DLG1: variants seen among roughly 807,000 people sequenced by gnomAD.
The protein encoded by DLG1 is disks large homolog 1.
In DLG1, 42 loss-of-function variants were observed where a neutral mutation model predicts 123.4. The observed-to-expected ratio is 0.34, with a 90% CI of 0.27 to 0.44. The LOEUF is 0.44. DLG1 is among the 20% of genes least tolerant of loss of function. DLG1 has a pLI of 1.00. For missense variants in DLG1, 942 were observed against 1,082.6 expected, an observed-to-expected ratio of 0.87 and a Z score of 1.82; for synonymous variants, 317 against 356.2, an observed-to-expected ratio of 0.89 and a Z score of 1.24.
Position 197,065,744 on chromosome 3 carries a change from A to C in DLG1, c.2164T>G (p.Ser722Ala). 1 of 1,612,508 alleles carries C rather than the reference A, an allele frequency of 6.2e-7. No homozygotes were observed. The highest frequency in any genetic ancestry group is 1.1e-5 in the South Asian group (1 of 90,818). Residue 722 changes from serine (S) to alanine (A), a missense_variant, in exon 21 of 25, where the codon TCA (serine) becomes GCA (alanine). Transcript: ENST00000667157. The part of the protein sequence containing the change: ...MKDRINDDLI[S>A]EFPDKFGSCV... The stretch of plus-strand genomic sequence containing the variant: ...GATCCAAATTTGTCAGGAAATTCTG[A>C]GATCAAGTCATCATTTATCCTGTCT...
In DLG1 at chr3:197,128,255, G is replaced by A. The variant is rs984416275; in HGVS notation, c.1165+2272C>T. Among the ~76,000 whole-genome samples, 9 of 152,212 alleles carry A rather than the reference G, an allele frequency of 5.9e-5. No homozygotes were observed. The East Asian group carries it at 9.6e-4, about 16-fold the overall frequency. ...TCCCAAAATCCTTTGTTGCCGTTTC[G>A]ATAATGTTCACATCATCTTCACCTA... is the stretch of plus-strand genomic sequence containing the variant. On this transcript the variant is annotated intron_variant, in intron 11 of 24. Transcript: ENST00000667157.
intron 16 of DLG1, among the ~76,000 whole-genome samples, chr3:197,084,969 TAGAGACA>T (rs1338923347): frequency 1.3e-5 from 2 of 151,484 alleles, no homozygotes; most frequent in African/African-American, 4.8e-5. Context: ...GTATTTTTAG[TAGAGACA>T]GGCTTTCACC....
chr3:197,100,356 T>C (rs1316139352), intron 14 of DLG1, among the ~76,000 whole-genome samples: 1 of 152,198 alleles, frequency 6.6e-6, no homozygotes. Context: ...TAAGTGACTA[T>C]GGCCTAACCT....
intron 5 of DLG1, among the ~76,000 whole-genome samples, chr3:197,189,457 TACAC>T (rs1238102534): frequency 2.6e-5 from 4 of 152,146 alleles, no homozygotes; most frequent in Non-Finnish European, 5.9e-5. Context: ...TGATAGAGAA[TACAC>T]ACAATTTTTT....
At chr3:197,215,833 A>G (rs893311335) in intron 4 of DLG1, among the ~76,000 whole-genome samples, 2 of 152,206 alleles carry the variant, frequency 1.3e-5, no homozygotes, top group African/African-American at 4.8e-5. Context: ...GAATCTGAGG[A>G]GAGCAAACAG....
intron 14 of DLG1, among the ~76,000 whole-genome samples, chr3:197,095,379 A>G (rs550072543): frequency 1.3e-5 from 2 of 151,390 alleles, no homozygotes; most frequent in East Asian, 3.9e-4. Context: ...TTTAGTTGTC[A>G]CGTCTTTTTA....
At chr3:197,248,639 C>T (rs1378331378) in intron 4 of DLG1, among the ~76,000 whole-genome samples, 2 of 152,184 alleles carry the variant, frequency 1.3e-5, no homozygotes, top group Non-Finnish European at 2.9e-5. Flanking sequence ...GTTTCTGTGT[C>T]CTCCCCTTGT....
intron 6 of DLG1, among the ~76,000 whole-genome samples, chr3:197,147,790 C>T (rs1791675564): frequency 6.6e-6 from 1 of 151,000 alleles, no homozygotes; most frequent in South Asian, 2.1e-4. Context: ...AACCAAACAA[C>T]ACCCGCTCCC....
intron 13 of DLG1, among the ~76,000 whole-genome samples, chr3:197,112,507 T>G (rs1450583964): frequency 1.3e-5 from 2 of 152,254 alleles, no homozygotes; most frequent in African/African-American, 4.8e-5. Context: ...AGGAGATATT[T>G]ATATATTGTG....
At chr3:197,161,722 A>C in intron 5 of DLG1, 1 of 1,573,250 alleles carries the variant, frequency 6.4e-7, no homozygotes, top group Admixed American at 1.9e-5. Flanking sequence ...AGGAGAGGGA[A>C]GAACAGCTTC....
intron 5 of DLG1, among the ~76,000 whole-genome samples, chr3:197,151,805 G>T (rs115561755): frequency 4.9e-4 from 74 of 150,584 alleles, no homozygotes; most frequent in African/African-American, 1.7e-3. Flanking sequence ...CACTGTGGGA[G>T]GCCAAGGCTG....
At chr3:197,231,606 T>TGG (rs1322216933) in intron 4 of DLG1, among the ~76,000 whole-genome samples, 1 of 150,000 alleles carries the variant, frequency 6.7e-6, no homozygotes, top group African/African-American at 2.5e-5. Flanking sequence ...GGGGCTGAGG[T>TGG]GGGAGTTGGC....
At chr3:197,152,166 G>T (rs888186429) in intron 5 of DLG1, among the ~76,000 whole-genome samples, 1 of 152,150 alleles carries the variant, frequency 6.6e-6, no homozygotes, top group Non-Finnish European at 1.5e-5. Flanking sequence ...TCTTTTCACA[G>T]ATGGAGAAAA....
intron 4 of DLG1, among the ~76,000 whole-genome samples, chr3:197,224,213 C>T (rs1483881428): frequency 6.6e-6 from 1 of 152,090 alleles, no homozygotes; most frequent in Non-Finnish European, 1.5e-5. Context: ...ATGAATTTAA[C>T]AGCATCCAAA....
chr3:197,295,062 T>C (rs1281739355), intron 3 of DLG1, among the ~76,000 whole-genome samples: 1 of 152,206 alleles, frequency 6.6e-6, no homozygotes, highest in Non-Finnish European at 1.5e-5. Flanking sequence ...TGATCATCCA[T>C]TCGGACCTTA....
intron 11 of DLG1, among the ~76,000 whole-genome samples, chr3:197,126,066 C>T (rs964297246): frequency 1.3e-5 from 2 of 152,198 alleles, no homozygotes; most frequent in African/African-American, 4.8e-5. Context: ...CCCACATCTA[C>T]AGTTGCCTAA....
In DLG1 at chr3:197,224,847, A is replaced by G. The variant is rs192193311; in HGVS notation, c.319-30258T>C. Among the ~76,000 whole-genome samples, 12 of 152,092 alleles carry G rather than the reference A, an allele frequency of 7.9e-5. 1 individual carries two copies. The highest frequency in any genetic ancestry group is 7.8e-4 in the Admixed American group (12 of 15,306). ...AAAGTTTCAGTCATACAAAAACTAA[A>G]AAGAAAAAAAAGTTCGATTCAAAAC... On this transcript the variant is annotated intron_variant, in intron 4 of 24. Transcript: ENST00000667157.
intron 23 of DLG1, among the ~76,000 whole-genome samples, chr3:197,059,283 A>T (rs1043153555): frequency 2.0e-5 from 3 of 152,230 alleles, no homozygotes; most frequent in Non-Finnish European, 4.4e-5. Flanking sequence ...TTCGTCAGCC[A>T]TATAAAAATC....
At chr3:197,115,806 A>T in intron 13 of DLG1, 121 bp downstream of exon 13, 4 of 953,228 alleles carry the variant, frequency 4.2e-6, no homozygotes, top group Non-Finnish European at 6.3e-6. Context: ...TAAGCTGTAA[A>T]ATGTTAAGAA....
Sources: allele counts gnomAD v4.1 joint callset (sites outside exome capture counted in the v4.1 genomes callset), GRCh38; gene constraint gnomAD v4.1.1; transcripts MANE v1.5; gene names NCBI Gene and HGNC (gene_info 2026-07-23, HGNC 2026-07-21).